Variants in USP39 observed in about 807,000 individuals in gnomAD.
USP39 encodes the protein ubiquitin specific peptidase 39, also known as ubiquitin carboxyl-terminal hydrolase 39.
Under a neutral mutation model 66.4 loss-of-function variants are expected in USP39, and 38 were observed. The ratio of observed to expected loss-of-function variants is 0.57; its 90% CI spans 0.44 to 0.75. The LOEUF is 0.75. Among genes scored for constraint, USP39 ranks in the 30% least tolerant of loss-of-function variants. The pLI is 0.00. For missense variants in USP39, 608 were observed against 714.4 expected, an observed-to-expected ratio of 0.85 and a Z score of 1.70; for synonymous variants, 303 against 274.6, an observed-to-expected ratio of 1.10 and a Z score of -1.02.
chr2:85,617,362 A>G (rs759006894), intron 1 of USP39, among the ~76,000 whole-genome samples: 1 of 152,190 alleles, frequency 6.6e-6, no homozygotes, highest in Non-Finnish European at 1.5e-5. Flanking sequence ...GCACTTTTTA[A>G]GCTGAATAAA....
Position 85,649,045 on chromosome 2 carries a change from G to A in USP39, c.*237G>A. 2 of 546,822 alleles carry A rather than the reference G, an allele frequency of 3.7e-6. No homozygotes were observed. The highest frequency in any genetic ancestry group is 6.6e-5 in the Admixed American group (2 of 30,170). 33.9% of individuals were successfully genotyped at this position (546,822 alleles called of 1,614,324 possible). A position where few individuals can be genotyped will look rare whatever the true frequency, so the allele number is the denominator to read the frequency against. ...GATGCTCCTTTCTCCCATGCATTGAGCTCCCATCTAGCTTCAGCAGGGCAG... is the reference window on the plus strand; with the variant it reads ...GATGCTCCTTTCTCCCATGCATTGAACTCCCATCTAGCTTCAGCAGGGCAG... On this transcript the variant is annotated 3_prime_UTR_variant, in exon 13 of 13. Transcript: ENST00000323701.
intron 5 of USP39, among the ~76,000 whole-genome samples, chr2:85,626,374 T>A (rs1674864118): frequency 6.6e-6 from 1 of 152,064 alleles, no homozygotes; most frequent in Admixed American, 6.6e-5. Flanking sequence ...AAAAAAGAAA[T>A]TACTGCCTTC....
At chr2:85,629,579 C>T (rs1339062868) in intron 5 of USP39, among the ~76,000 whole-genome samples, 2 of 151,206 alleles carry the variant, frequency 1.3e-5, no homozygotes, top group African/African-American at 4.9e-5. Context: ...TCACTGCAAC[C>T]TCCGCCTCCC....
In USP39 at chr2:85,648,792, A is replaced by G. The variant is rs747537055; in HGVS notation, c.1682A>G (p.Asn561Ser). 3.7e-6 allele frequency: 6 copies of G among 1,614,020 alleles called. No homozygotes were observed. The Admixed American group carries it at 6.7e-5, about 18-fold the overall frequency. Reference protein sequence around the residue: ...IWKRRDNDETNQQGA With the variant: ...IWKRRDNDETSQQGA ...AAGAGGCGAGATAATGATGAAACCA[A>G]CCAGCAGGGGGCTTGAAGGAGGCGT... Residue 561 changes from asparagine to serine, a missense_variant, in exon 13 of 13, where the codon AAC becomes AGC. Physicochemically the swap from Asn to Ser is conservative, Grantham distance 46. Coordinates refer to ENST00000323701, the MANE Select transcript of USP39 (RefSeq NM_006590.4).
At chr2:85,611,924 T>A (rs770537097), upstream of USP39, 12 of 1,588,798 alleles carry the variant, frequency 7.6e-6, no homozygotes, top group Admixed American at 1.7e-4. Context: ...CCGTGGTTCA[T>A]GTCCAGCCGC....
Position 85,616,278 on chromosome 2 carries a change from T to C in USP39, c.83T>C (p.Val28Ala). 1 of 1,554,368 alleles carries C rather than the reference T, an allele frequency of 6.4e-7. No individual in the cohort carries two copies. Among genetic ancestry groups the C allele is most frequent in the Non-Finnish European group, 8.7e-7 (1 of 1,148,284 alleles). Reference protein sequence around the residue: ...ESESRGSSGRVKRERDREREP... With the variant: ...ESESRGSSGRAKRERDREREP... Reference sequence around the variant, plus strand: ...GAGTCGCGGGGCAGCTCCGGTCGCGTCAAGCGGGAGCGAGATCGGGAGCGG... The same window carrying C: ...GAGTCGCGGGGCAGCTCCGGTCGCGCCAAGCGGGAGCGAGATCGGGAGCGG... Residue 28 changes from valine (V) to alanine (A), a missense_variant, in exon 1 of 13, where the codon GTC (valine) becomes GCC (alanine). Coordinates refer to ENST00000323701, the MANE Select transcript of USP39 (RefSeq NM_006590.4).
intron 1 of USP39, among the ~76,000 whole-genome samples, chr2:85,603,956 TTC>T (rs1673115007): frequency 6.6e-6 from 1 of 152,198 alleles, no homozygotes; most frequent in African/African-American, 2.4e-5. Flanking sequence ...GTGCCTGGCA[TTC>T]TGTCTCAAAG....
chr2:85,621,682 T>C, intron 3 of USP39, 103 bp downstream of exon 3: 5 of 915,136 alleles, frequency 5.5e-6, no homozygotes, highest in Admixed American at 2.7e-5. Context: ...TAATAATTTC[T>C]ATTTGTTCCC....
At chr2:85,617,977 CAG>C (rs1476502559) in intron 1 of USP39, among the ~76,000 whole-genome samples, 3 of 145,106 alleles carry the variant, frequency 2.1e-5, no homozygotes, top group African/African-American at 7.8e-5. Flanking sequence ...TTTTTTGAGA[CAG>C]TTTCACTCTT....
At chr2:85,616,743 T>C (rs757841623) in intron 1 of USP39, among the ~76,000 whole-genome samples, 8 of 150,260 alleles carry the variant, frequency 5.3e-5, no homozygotes, top group Non-Finnish European at 1.2e-4. Flanking sequence ...AGTGGCGCGA[T>C]CTCGGCTCAC....
chr2:85,646,971 T>C (rs1395729667), intron 11 of USP39, among the ~76,000 whole-genome samples: 1 of 139,250 alleles, frequency 7.2e-6, no homozygotes, highest in African/African-American at 2.6e-5. Flanking sequence ...CACTGCAACC[T>C]CCACCTCCTG....
At chr2:85,635,128 G>A (rs1436269421) in intron 6 of USP39, among the ~76,000 whole-genome samples, 1 of 152,188 alleles carries the variant, frequency 6.6e-6, no homozygotes, top group Non-Finnish European at 1.5e-5. Flanking sequence ...GGAATAAAAA[G>A]AAAATCATTC....
intron 10 of USP39, 98 bp downstream of exon 10, chr2:85,641,216 G>A: frequency 1.4e-6 from 2 of 1,476,162 alleles, no homozygotes; most frequent in Admixed American, 2.0e-5. Context: ...CTTAGTTGGG[G>A]ATTACAAGGA....
intron 6 of USP39, 80 bp from the exon 7 acceptor site, chr2:85,635,973 G>T: frequency 7.3e-7 from 1 of 1,373,656 alleles, no homozygotes. Context: ...GGGAGAACCA[G>T]GAATGCCAAC....
intron 6 of USP39, among the ~76,000 whole-genome samples, chr2:85,633,510 C>T (rs967789233): frequency 2.0e-5 from 3 of 152,166 alleles, no homozygotes; most frequent in Admixed American, 6.5e-5. Context: ...TCACTCAAAC[C>T]TGTAATCCCA....
chr2:85,620,888 A>G (rs1370793802), intron 2 of USP39, among the ~76,000 whole-genome samples: 1 of 151,724 alleles, frequency 6.6e-6, no homozygotes, highest in African/African-American at 2.4e-5. Context: ...CCTTACTGCC[A>G]GTACTCACTT....
chr2:85,648,684 G>A (rs947239853), intron 12 of USP39, 77 bp from the exon 13 acceptor site: 1 of 1,530,750 alleles, frequency 6.5e-7, no homozygotes, highest in Non-Finnish European at 9.1e-7. Context: ...CCATGGCCTG[G>A]CACAGAATAG....
chr2:85,640,606 T>C (rs1187045330), intron 9 of USP39, among the ~76,000 whole-genome samples: 4 of 71,654 alleles, frequency 5.6e-5, no homozygotes, highest in African/African-American at 3.1e-4. Flanking sequence ...TTTCTTTACA[T>C]ATATATATAT....
intron 1 of USP39, among the ~76,000 whole-genome samples, chr2:85,618,561 C>CAAAAAAAAAAAA (rs759260772): frequency 1.7e-5 from 1 of 57,208 alleles, no homozygotes; most frequent in South Asian, 6.3e-4. Context: ...GACTCCGTCT[C>CAAAAAAAAAAAA]AAAAAAAAAA....
Sources: allele counts gnomAD v4.1 joint callset (sites outside exome capture counted in the v4.1 genomes callset), GRCh38; gene constraint gnomAD v4.1.1; transcripts MANE v1.5; gene names NCBI Gene and HGNC (gene_info 2026-07-23, HGNC 2026-07-21).